KIRREL3: variants seen among roughly 807,000 people sequenced by gnomAD.
KIRREL3 encodes kirre like nephrin family adhesion molecule 3.
Under a neutral mutation model 89.7 loss-of-function variants are expected in KIRREL3, and 36 were observed. The ratio of observed to expected loss-of-function variants is 0.40; its 90% CI spans 0.31 to 0.53. The LOEUF (loss-of-function observed/expected upper bound fraction) is 0.53, where lower values mean the gene tolerates loss of function less well. KIRREL3 is among the 20% of genes least tolerant of loss of function. KIRREL3 has a pLI of 0.49. For synonymous variants in KIRREL3, 445 were observed against 441.4 expected, an observed-to-expected ratio of 1.01 and a Z score of -0.10; for missense variants, 864 against 1,056.6, an observed-to-expected ratio of 0.82 and a Z score of 2.53.
rs1016475722 is a variant in KIRREL3 at position 126,897,961 on chromosome 11, G to A, written c.55+102494C>T. 2.0e-4 allele frequency among the ~76,000 whole-genome samples: 31 copies of A among 152,184 alleles called. No individual in the cohort carries two copies. Among genetic ancestry groups the A allele is most frequent in the Non-Finnish European group, 4.3e-4 (29 of 68,034 alleles). On this transcript the variant is annotated intron_variant, in intron 1 of 16. Coordinates refer to ENST00000525144, the MANE Select transcript of KIRREL3 (RefSeq NM_032531.4). The surrounding 1 kb of genome is among the most constrained non-coding windows in gnomAD (Gnocchi z 4.2). ...GCTTGGGAAGGGGGAGTGGGTGGGA[G>A]CTTGGACTGTCCACACTGGTCTAGC...
At chr11:126,447,282 G>GC (rs80347665) in intron 8 of KIRREL3, among the ~76,000 whole-genome samples, 26,129 of 152,156 alleles carry the variant, frequency 0.17, 2,944 homozygotes, top group East Asian at 0.4. Context: ...GCGGGCAGGG[G>GC]CCCTCCTCCT....
In KIRREL3 at chr11:126,606,463, G is replaced by A. The variant is rs1942893002; in HGVS notation, c.56-43551C>T. ...CCTTTGGAACACAGACCCAATAAAT[G>A]TTAAGAATTATTAAGTTGTCGATTT... On this transcript the variant is annotated intron_variant, in intron 1 of 16. Transcript: ENST00000525144. The surrounding 1 kb of genome is among the most constrained non-coding windows in gnomAD (Gnocchi z 4.6). Among the ~76,000 whole-genome samples, 1 of 152,180 alleles carries A rather than the reference G, an allele frequency of 6.6e-6. No homozygotes were observed. The highest frequency in any genetic ancestry group is 2.4e-5 in the African/African-American group (1 of 41,440).
chr11:126,783,117 T>G lies in KIRREL3; in HGVS notation c.55+217338A>C, dbSNP rs139274788. 0.013 allele frequency among the ~76,000 whole-genome samples: 2,026 copies of G among 152,304 alleles called. 33 individuals are homozygous for G. Among genetic ancestry groups the G allele is most frequent in the African/African-American group, 0.042 (1,743 of 41,554 alleles). On this transcript the variant is annotated intron_variant, in intron 1 of 16. Transcript: ENST00000525144. This position sits in a 1 kb window ranked among gnomAD's most constrained non-coding sequence, Gnocchi z 4.3. ...TTTATTCTCTCACAGTTCCGGAGAA[T>G]GCACGTTTAAAAATTAAGGTGTCTG...
rs1309816006 is a variant in KIRREL3, at chr11:126,906,020, C to G, written c.55+94435G>C. ...TCAAAAATCATTTTATCTGCTGAAG[C>G]AGATGCTTTGTAGAACAAAATGCCA... On this transcript the variant is annotated intron_variant, in intron 1 of 16. Transcript: ENST00000525144. This position sits in a 1 kb window ranked among gnomAD's most constrained non-coding sequence, Gnocchi z 4.1. Among the ~76,000 whole-genome samples, 1 of 152,186 alleles carries G rather than the reference C, an allele frequency of 6.6e-6. No individual in the cohort carries two copies. Among genetic ancestry groups the G allele is most frequent in the African/African-American group, 2.4e-5 (1 of 41,462 alleles).
At position 126,697,707 on chromosome 11, in the gene KIRREL3, G is replaced by A. The variant is rs1362027669; in HGVS notation, c.56-134795C>T. 4.6e-5 allele frequency among the ~76,000 whole-genome samples: 7 copies of A among 152,216 alleles called. No homozygotes were observed. The South Asian group carries it at 8.3e-4, about 18-fold the overall frequency. ...ACCACAAATCCTAAATGCTCATTCA[G>A]CCTCACTTGCCGGGGACTCAGCTTC... On this transcript the variant is annotated intron_variant, in intron 1 of 16. Coordinates refer to ENST00000525144, the MANE Select transcript of KIRREL3 (RefSeq NM_032531.4). This position sits in a 1 kb window ranked among gnomAD's most constrained non-coding sequence, Gnocchi z 4.2.
At chr11:126,828,630 T>C (rs1349700147) in intron 1 of KIRREL3, among the ~76,000 whole-genome samples, 1 of 151,990 alleles carries the variant, frequency 6.6e-6, no homozygotes, top group East Asian at 1.9e-4. Context: ...CCGAGAATGG[T>C]GCTTCCTTAG....
In KIRREL3 at chr11:126,943,301, G is replaced by A. The variant is rs1948515577; in HGVS notation, c.55+57154C>T. ...CAATTACAGTTAAAGCCCTGTTCCA[G>A]GGAGGAGTGGAGGGAGACTCCATCT... On this transcript the variant is annotated intron_variant, in intron 1 of 16. Coordinates refer to ENST00000525144, the MANE Select transcript of KIRREL3 (RefSeq NM_032531.4). The surrounding 1 kb of genome is among the most constrained non-coding windows in gnomAD (Gnocchi z 4.2). Among the ~76,000 whole-genome samples, 1 of 152,100 alleles carries A rather than the reference G, an allele frequency of 6.6e-6. No homozygotes were observed. Among genetic ancestry groups the A allele is most frequent in the Non-Finnish European group, 1.5e-5 (1 of 68,018 alleles).
At chr11:126,470,692 C>T (rs911584609) in intron 5 of KIRREL3, among the ~76,000 whole-genome samples, 19 of 152,134 alleles carry the variant, frequency 1.2e-4, no homozygotes, top group Non-Finnish European at 1.5e-5. Context: ...GGCGAGCGGG[C>T]GTTCTGGAGG....
chr11:126,636,165 G>T lies in KIRREL3; in HGVS notation c.56-73253C>A, dbSNP rs1944257395. 6.6e-6 allele frequency among the ~76,000 whole-genome samples: 1 copy of T among 152,150 alleles called. No individual in the cohort carries two copies. The highest frequency in any genetic ancestry group is 2.4e-5 in the African/African-American group (1 of 41,428). On this transcript the variant is annotated intron_variant, in intron 1 of 16. Coordinates refer to ENST00000525144, the MANE Select transcript of KIRREL3 (RefSeq NM_032531.4). The surrounding 1 kb of genome is among the most constrained non-coding windows in gnomAD (Gnocchi z 4.4). ...TTCCTTCATTTGTAAAAATGGGAAG[G>T]GTAATAGCACTATCCTTAGCATTAT...
chr11:126,639,456 T>C lies in KIRREL3; in HGVS notation c.56-76544A>G, dbSNP rs77739236. The stretch of plus-strand genomic sequence containing the variant: ...AATGGAACCCAATCCCTTAAGCCTT[T>C]AAAAGTAACCTCTACTGAGCTCAAT... On this transcript the variant is annotated intron_variant, in intron 1 of 16. Coordinates refer to ENST00000525144, the MANE Select transcript of KIRREL3 (RefSeq NM_032531.4). This position sits in a 1 kb window ranked among gnomAD's most constrained non-coding sequence, Gnocchi z 4.3. 2.5e-3 allele frequency among the ~76,000 whole-genome samples: 381 copies of C among 152,308 alleles called. 3 individuals are homozygous for C. The highest frequency in any genetic ancestry group is 4.5e-3 in the Non-Finnish European group (305 of 68,020).
intron 1 of KIRREL3, among the ~76,000 whole-genome samples, chr11:126,852,399 T>A (rs1944374798): frequency 2.0e-5 from 3 of 152,202 alleles, no homozygotes; most frequent in Admixed American, 2.0e-4. Context: ...TTATCTAGCC[T>A]AGGACCAATC....
chr11:126,871,263 T>A (rs1592256832), intron 1 of KIRREL3, among the ~76,000 whole-genome samples: 1 of 152,136 alleles, frequency 6.6e-6, no homozygotes, highest in Non-Finnish European at 1.5e-5. Flanking sequence ...ATAAAGAACT[T>A]CTAAGTCTGA....
In KIRREL3 at chr11:126,525,693, C is replaced by A. The variant is rs1237211134; in HGVS notation, c.283+845G>T. On this transcript the variant is annotated intron_variant, in intron 3 of 16. Transcript: ENST00000525144. This position sits in a 1 kb window ranked among gnomAD's most constrained non-coding sequence, Gnocchi z 5.4. ...ATTCCCAAATCACAGGGGAATGACA[C>A]CCAGAGGTCCCTGCTTGTGAATTTT... Among the ~76,000 whole-genome samples, 1 of 152,190 alleles carries A rather than the reference C, an allele frequency of 6.6e-6. No individual in the cohort carries two copies. The highest frequency in any genetic ancestry group is 1.5e-5 in the Non-Finnish European group (1 of 68,044).
chr11:126,874,326 G>T (rs1221016054), intron 1 of KIRREL3, among the ~76,000 whole-genome samples: 1 of 152,154 alleles, frequency 6.6e-6, no homozygotes, highest in African/African-American at 2.4e-5. Flanking sequence ...TGCTTATGAG[G>T]GTAGGTGCTT....
intron 1 of KIRREL3, among the ~76,000 whole-genome samples, chr11:126,949,571 G>A (rs1452927296): frequency 6.6e-6 from 1 of 152,184 alleles, no homozygotes; most frequent in African/African-American, 2.4e-5. Flanking sequence ...GAGATCAGAA[G>A]CTGAGCATCT....
rs1947946629 is a variant in KIRREL3, at chr11:126,931,491, G to T, written c.55+68964C>A. Among the ~76,000 whole-genome samples, 1 of 152,154 alleles carries T rather than the reference G, an allele frequency of 6.6e-6. No homozygotes were observed. The highest frequency in any genetic ancestry group is 6.5e-5 in the Admixed American group (1 of 15,274). ...TTGTCTTCCAGGAACCCATAGCATT[G>T]TGGCATCCAGACTTTGAGACAATCT... On this transcript the variant is annotated intron_variant, in intron 1 of 16. Coordinates refer to ENST00000525144, the MANE Select transcript of KIRREL3 (RefSeq NM_032531.4). This position sits in a 1 kb window ranked among gnomAD's most constrained non-coding sequence, Gnocchi z 5.1.
In KIRREL3 at chr11:126,489,576, C is replaced by A. The variant is rs375223434; in HGVS notation, c.434-16110G>T. On this transcript the variant is annotated intron_variant, in intron 4 of 16. Transcript: ENST00000525144. The surrounding 1 kb of genome is among the most constrained non-coding windows in gnomAD (Gnocchi z 5.5). ...AGATCTGTAGTCCATAAGGGCATTG[C>A]TGGATGCAGATGTGTGAATCACCAT... Among the ~76,000 whole-genome samples, 10 of 152,260 alleles carry A rather than the reference C, an allele frequency of 6.6e-5. No individual in the cohort carries two copies. In the East Asian group the frequency reaches 1.4e-3, roughly 21 times the overall value.
rs201725914 is a variant in KIRREL3 at position 126,449,098 on chromosome 11, A to G, written c.908T>C (p.Val303Ala). 1,436 of 1,613,672 alleles carry G rather than the reference A, an allele frequency of 8.9e-4. 1 individual carries two copies. The highest frequency in any genetic ancestry group is 1.1e-3 in the Non-Finnish European group (1,349 of 1,179,794). Residue 303 changes from valine to alanine, a missense_variant, in exon 8 of 17, where the codon GTG becomes GCG. By Grantham distance (64) the Val-to-Ala change is moderately conservative. Transcript: ENST00000525144. ...GGGCTCTGAGAAGTACGTGTAGTCCACTGTGGTCCTGTACACCTCTCCAGA... is the reference window on the plus strand; with the variant it reads ...GGGCTCTGAGAAGTACGTGTAGTCCGCTGTGGTCCTGTACACCTCTCCAGA... ...EASGEVYRTT[V>A]DYTYFSEPVS... is the part of the protein sequence containing the mutation.
intron 1 of KIRREL3, among the ~76,000 whole-genome samples, chr11:126,986,574 G>A (rs1047195641): frequency 2.6e-5 from 4 of 152,166 alleles, no homozygotes; most frequent in Admixed American, 6.5e-5. Context: ...TTATGACATT[G>A]CTTCCCTGGG....
Sources: gnomAD v4.1 joint callset for allele counts (sites outside exome capture counted in the v4.1 genomes callset) on GRCh38, gnomAD v4.1.1 for gene constraint, Gnocchi (gnomAD v3.1) non-coding constraint, MANE v1.5 for transcripts, NCBI Gene and HGNC (gene_info 2026-07-23, HGNC 2026-07-21) for gene names.